DPP10: variants seen among roughly 807,000 people sequenced by gnomAD.
The protein encoded by DPP10 is inactive dipeptidyl peptidase 10.
Under a neutral mutation model 120.9 loss-of-function variants are expected in DPP10, and 33 were observed. The observed-to-expected ratio is 0.27, with a 90% CI of 0.21 to 0.37. The LOEUF (loss-of-function observed/expected upper bound fraction) is 0.37. DPP10 is among the 10% of genes least tolerant of loss of function. The pLI is 1.00. For synonymous variants in DPP10, 337 were observed against 326.1 expected, an observed-to-expected ratio of 1.03 and a Z score of -0.36; for missense variants, 816 against 942.8, an observed-to-expected ratio of 0.87 and a Z score of 1.76.
intron 1 of DPP10, among the ~76,000 whole-genome samples, chr2:114,871,342 C>CA (rs1435917505): frequency 6.6e-6 from 1 of 152,130 alleles, no homozygotes; most frequent in African/African-American, 2.4e-5. Context: ...ACTTTCTAAT[C>CA]AAATGTACTA....
intron 1 of DPP10, among the ~76,000 whole-genome samples, chr2:114,734,374 C>T (rs1206488464): frequency 1.3e-5 from 2 of 152,168 alleles, no homozygotes; most frequent in Non-Finnish European, 2.9e-5. Flanking sequence ...TTATCTTGAC[C>T]TGAACATTCC....
intron 5 of DPP10, among the ~76,000 whole-genome samples, chr2:115,625,790 T>C (rs1384447232): frequency 1.3e-5 from 2 of 152,070 alleles, no homozygotes; most frequent in Non-Finnish European, 2.9e-5. Context: ...GAATAATTTA[T>C]GTATAACCAC....
intron 1 of DPP10, among the ~76,000 whole-genome samples, chr2:115,025,206 AGG>A (rs1379382996): frequency 0.036 from 13 of 364 alleles, no homozygotes; most frequent in Non-Finnish European, 0.3. Flanking sequence ...TCTCTTCATG[AGG>A]AGATCTATCA....
intron 1 of DPP10, among the ~76,000 whole-genome samples, chr2:114,935,876 T>A (rs1175221003): frequency 3.9e-5 from 6 of 152,018 alleles, no homozygotes; most frequent in South Asian, 2.1e-4. Context: ...TTTTTTTTTT[T>A]AAATCAGTAT....
chr2:115,441,859 A>T (rs1415012357), intron 3 of DPP10, among the ~76,000 whole-genome samples: 7 of 125,834 alleles, frequency 5.6e-5, no homozygotes, highest in African/African-American at 2.2e-4. Context: ...CTGTTTCCCC[A>T]GGCTGGAGTG....
intron 5 of DPP10, among the ~76,000 whole-genome samples, chr2:115,614,512 G>A (rs1181139576): frequency 6.6e-6 from 1 of 152,118 alleles, no homozygotes; most frequent in Non-Finnish European, 1.5e-5. Context: ...TGCAACTTCC[G>A]CCTCCTGGGT....
At chr2:114,618,902 T>C (rs756151033) in intron 1 of DPP10, among the ~76,000 whole-genome samples, 4 of 151,998 alleles carry the variant, frequency 2.6e-5, no homozygotes, top group Non-Finnish European at 5.9e-5. Flanking sequence ...GTTGTAATTG[T>C]CTGGATGAAA....
chr2:115,672,642 T>TTCTTTCTTTCTTTCTC (rs1553475900), intron 5 of DPP10, among the ~76,000 whole-genome samples: 7 of 142,656 alleles, frequency 4.9e-5, no homozygotes, highest in African/African-American at 1.9e-4. Flanking sequence ...CTTTCTTTCT[T>TTCTTTCTTTCTTTCTC]TCTCTCTCTC....
intron 1 of DPP10, among the ~76,000 whole-genome samples, chr2:114,864,271 A>T (rs1292836905): frequency 6.6e-6 from 1 of 152,166 alleles, no homozygotes; most frequent in Non-Finnish European, 1.5e-5. Context: ...GAATACAAGG[A>T]TGGATAAACA....
At chr2:115,137,163 C>A (rs543481855) in intron 1 of DPP10, among the ~76,000 whole-genome samples, 180 of 152,254 alleles carry the variant, frequency 1.2e-3, no homozygotes, top group Non-Finnish European at 1.2e-3. Context: ...AGGGCATATC[C>A]AGCATCACCT....
At chr2:114,773,041 A>G (rs1043704030) in intron 1 of DPP10, among the ~76,000 whole-genome samples, 29 of 152,210 alleles carry the variant, frequency 1.9e-4, no homozygotes, top group Admixed American at 2.0e-4. Context: ...TATCTATAAA[A>G]TGAAAATAAC....
chr2:114,752,564 A>G (rs1300823468), intron 1 of DPP10, among the ~76,000 whole-genome samples: 1 of 152,194 alleles, frequency 6.6e-6, no homozygotes, highest in Non-Finnish European at 1.5e-5. Flanking sequence ...CTCACCGCCA[A>G]GAGCCTGAGG....
chr2:114,450,904 C>G (rs1269918822), intron 1 of DPP10, among the ~76,000 whole-genome samples: 1 of 151,974 alleles, frequency 6.6e-6, no homozygotes, highest in African/African-American at 2.4e-5. Flanking sequence ...TTCTGGCACT[C>G]TAGTGAGGCT....
chr2:115,016,854 A>G (rs926776064), intron 1 of DPP10, among the ~76,000 whole-genome samples: 52 of 152,160 alleles, frequency 3.4e-4, no homozygotes, highest in African/African-American at 1.2e-3. Context: ...TGGCACATAT[A>G]CACCATGGAA....
At chr2:115,056,692 G>A (rs939875685) in intron 1 of DPP10, among the ~76,000 whole-genome samples, 1 of 152,118 alleles carries the variant, frequency 6.6e-6, no homozygotes, top group Admixed American at 6.5e-5. Flanking sequence ...CAATGCCAAC[G>A]TAAGTCCAAT....
chr2:115,735,060 C>T (rs2093003694), intron 8 of DPP10, among the ~76,000 whole-genome samples: 1 of 152,140 alleles, frequency 6.6e-6, no homozygotes, highest in South Asian at 2.1e-4. Context: ...AAGCCAAACT[C>T]ACATAATTTG....
At chr2:115,795,453 C>A (rs980225795) in intron 19 of DPP10, among the ~76,000 whole-genome samples, 1 of 152,148 alleles carries the variant, frequency 6.6e-6, no homozygotes, top group African/African-American at 2.4e-5. Flanking sequence ...CTTGAAATCC[C>A]AAGAAATTCA....
intron 1 of DPP10, among the ~76,000 whole-genome samples, chr2:114,625,201 A>G (rs1240623257): frequency 6.6e-6 from 1 of 151,806 alleles, no homozygotes; most frequent in African/African-American, 2.4e-5. Flanking sequence ...TTGTTGTTGT[A>G]TTGTTGAAGA....
At chr2:115,587,711 C>A (rs2082383857) in intron 5 of DPP10, among the ~76,000 whole-genome samples, 1 of 152,042 alleles carries the variant, frequency 6.6e-6, no homozygotes, top group Admixed American at 6.5e-5. Flanking sequence ...AATTATTCAG[C>A]CATAGAAAAG....
Sources: gnomAD v4.1 joint callset for allele counts (sites outside exome capture counted in the v4.1 genomes callset) on GRCh38, gnomAD v4.1.1 for gene constraint, MANE v1.5 for transcripts, NCBI Gene and HGNC (gene_info 2026-07-23, HGNC 2026-07-21) for gene names.